The following RNF123 variants were observed in gnomAD, a reference collection of about 807,000 sequenced individuals.
RNF123 encodes the protein E3 ubiquitin-protein ligase RNF123.
Under a neutral mutation model 168.5 loss-of-function variants are expected in RNF123, and 86 were observed. The ratio of observed to expected loss-of-function variants is 0.51; its 90% CI spans 0.43 to 0.61. The LOEUF is 0.61. Ranked by LOEUF, RNF123 falls within the 20% of genes least tolerant of loss-of-function variation. The pLI, the probability that RNF123 is intolerant of heterozygous loss-of-function variation, is 0.00. For synonymous variants in RNF123, 666 were observed against 689.1 expected, an observed-to-expected ratio of 0.97 and a Z score of 0.52; for missense variants, 1,419 against 1,729.7, an observed-to-expected ratio of 0.82 and a Z score of 3.19.
chr3:49,719,104 A>G lies in RNF123; in HGVS notation c.3501-1407A>G, dbSNP rs1237561469. ...GAGGTCGTGGCGGCCAAGCGCCCGCAACGTGTTAGATGATAGATCGAGCAG... is the reference window on the plus strand; with the variant it reads ...GAGGTCGTGGCGGCCAAGCGCCCGCGACGTGTTAGATGATAGATCGAGCAG... On this transcript the variant is annotated intron_variant, in intron 35 of 38. Coordinates refer to ENST00000327697, the MANE Select transcript of RNF123 (RefSeq NM_022064.5). The G allele has an allele frequency of 2.5e-6, 4 of 1,613,430 alleles. No homozygotes were observed. The African/African-American group carries it at 4.0e-5, about 16-fold the overall frequency.
chr3:49,698,610 A>G (rs2054314846), intron 8 of RNF123, 84 bp downstream of exon 8: 1 of 1,554,140 alleles, frequency 6.4e-7, no homozygotes, highest in Non-Finnish European at 8.9e-7. Flanking sequence ...ATAAGGGACT[A>G]CAGGGCACCA....
rs567942433 is a variant in RNF123, at chr3:49,719,584, G to T, written c.3501-927G>T. The T allele has an allele frequency of 3.3e-6, 3 of 912,742 alleles. No homozygotes were observed. The African/African-American group carries it at 5.1e-5, about 15-fold the overall frequency. The allele number at this position is 912,742 out of a possible 1,614,324, so 56.5% of individuals were successfully genotyped here. A position where few individuals can be genotyped will look rare whatever the true frequency, so the allele number is the denominator to read the frequency against. On this transcript the variant is annotated intron_variant, in intron 35 of 38. Transcript: ENST00000327697. Reference sequence around the variant, plus strand: ...CGGATGGCCCTTGCCGAGGAGGCACGGCGGGTTCTTGCCAGCCGACGGCCC... The same window carrying T: ...CGGATGGCCCTTGCCGAGGAGGCACTGCGGGTTCTTGCCAGCCGACGGCCC...
rs149103139 is a variant in RNF123, at chr3:49,718,125, C to G, written c.3500+1648C>G. On this transcript the variant is annotated intron_variant, in intron 35 of 38. Coordinates refer to ENST00000327697, the MANE Select transcript of RNF123 (RefSeq NM_022064.5). ...AGACTACGTGCTTGTGGACGCTGGC[C>G]TTGCGGCTGGGTGCGTCTGGCGGTG... is the stretch of plus-strand genomic sequence containing the variant. The G allele has an allele frequency of 4.2e-4, 680 of 1,613,490 alleles. 1 individual carries two copies. Among genetic ancestry groups the G allele is most frequent in the South Asian group, 1.0e-3 (92 of 91,092 alleles).
intron 26 of RNF123, among the ~76,000 whole-genome samples, chr3:49,710,461 G>A (rs1042597455): frequency 2.6e-5 from 4 of 151,564 alleles, no homozygotes; most frequent in Non-Finnish European, 5.9e-5. Flanking sequence ...TGTATTTTTA[G>A]TAGAGATGGG....
chr3:49,718,152 G>A (rs2080287135), intron 35 of RNF123: 2 of 1,613,068 alleles, frequency 1.2e-6, no homozygotes, highest in Non-Finnish European at 1.7e-6. Context: ...CTGGCGGTGT[G>A]GTGCTGAGTA....
chr3:49,699,853 G>A lies in RNF123; in HGVS notation c.984+81G>A. 1 of 1,403,258 alleles carries A rather than the reference G, an allele frequency of 7.1e-7. No individual in the cohort carries two copies. Among genetic ancestry groups the A allele is most frequent in the Non-Finnish European group, 1.0e-6 (1 of 1,003,738 alleles). 86.9% of individuals were successfully genotyped at this position (1,403,258 alleles called of 1,614,324 possible). A position where few individuals can be genotyped will look rare whatever the true frequency, so the allele number is the denominator to read the frequency against. On this transcript the variant is annotated intron_variant, in intron 12 of 38. Transcript: ENST00000327697. This position sits in a 1 kb window ranked among gnomAD's most constrained non-coding sequence, Gnocchi z 4.8. ...CCCGTGGTAGATGTGCCCTCACTGA[G>A]GGCTGCAGTGCTGAGGTCCCACAGC...
Position 49,702,099 on chromosome 3 carries a change from G to C in RNF123, c.1512G>C (p.Gln504His). The C allele has an allele frequency of 6.2e-7, 1 of 1,614,084 alleles. No homozygotes were observed. The highest frequency in any genetic ancestry group is 8.5e-7 in the Non-Finnish European group (1 of 1,179,980). The change falls in exon 18 of 39, where the codon CAG becomes CAC. Residue 504 changes from glutamine (Q) to histidine (H), a missense_variant. Transcript: ENST00000327697. ...RKRIEVVEELQVQILKLLLDN... is the reference protein window; with the variant it reads ...RKRIEVVEELHVQILKLLLDN... Reference sequence around the variant, plus strand: ...GACCTCCAGTGGTGGAAGAACTACAGGTCCAGATCCTGAAGCTGCTGCTGG... The same window carrying C: ...GACCTCCAGTGGTGGAAGAACTACACGTCCAGATCCTGAAGCTGCTGCTGG...
At chr3:49,716,549 CTGGTACT>C in intron 35 of RNF123, 72 bp downstream of exon 35, 2 of 1,281,952 alleles carry the variant, frequency 1.6e-6, no homozygotes, top group Non-Finnish European at 2.2e-6. Flanking sequence ...ACAGGGCCTC[CTGGTACT>C]TCAGTTTCCT....
intron 7 of RNF123, 88 bp downstream of exon 7, chr3:49,698,225 C>A (rs2054307158): frequency 1.6e-6 from 2 of 1,236,862 alleles, no homozygotes; most frequent in African/African-American, 1.5e-5. Flanking sequence ...CCCCTCAGAA[C>A]TGCCTAGGAC....
At chr3:49,712,067 A>C (rs1286091792) in intron 26 of RNF123, among the ~76,000 whole-genome samples, 4 of 152,098 alleles carry the variant, frequency 2.6e-5, no homozygotes, top group Non-Finnish European at 4.4e-5. Context: ...TCTACTAAAA[A>C]TACAAAAATT....
At chr3:49,717,799 C>T (rs893113118) in intron 35 of RNF123, 12 of 820,716 alleles carry the variant, frequency 1.5e-5, no homozygotes, top group African/African-American at 1.4e-4. Flanking sequence ...TACCAGTGAG[C>T]GAGAAGGCCC....
Position 49,699,698 on chromosome 3 carries a change from A to G in RNF123, c.910A>G (p.Lys304Glu), listed in dbSNP as rs2054338289. 5 of 1,613,652 alleles carry G rather than the reference A, an allele frequency of 3.1e-6. No individual in the cohort carries two copies. The highest frequency in any genetic ancestry group is 4.2e-6 in the Non-Finnish European group (5 of 1,180,010). ...EGRLLDKESSKWRLRGQPTVL... is the reference protein window; with the variant it reads ...EGRLLDKESSEWRLRGQPTVL... ...GCGGCTGTTGGACAAGGAGAGCTCC[A>G]AGTGGCGGTTGCGGGGCCAGCCCAC... The change falls in exon 12 of 39, where the codon AAG (lysine) becomes GAG (glutamate). Residue 304 changes from lysine (K) to glutamate (E), a missense_variant. Physicochemically the swap from Lys to Glu is moderately conservative, Grantham distance 56. Coordinates refer to ENST00000327697, the MANE Select transcript of RNF123 (RefSeq NM_022064.5). The surrounding 1 kb of genome is among the most constrained non-coding windows in gnomAD (Gnocchi z 4.8).
intron 28 of RNF123, 47 bp from the exon 29 acceptor site, chr3:49,713,691 C>T (rs1321659975): frequency 6.4e-7 from 1 of 1,573,686 alleles, no homozygotes; most frequent in South Asian, 1.2e-5. Context: ...AAGTATGGGT[C>T]CAGGGCTCAT....
At chr3:49,719,167 A>T in intron 35 of RNF123, 1 of 1,613,564 alleles carries the variant, frequency 6.2e-7, no homozygotes, top group Non-Finnish European at 8.5e-7. Context: ...GCCGCGACCC[A>T]GCGCATCTAG....
Position 49,698,489 on chromosome 3 carries a change from T to A in RNF123, c.533T>A (p.Val178Glu). The part of the protein sequence containing the change: ...HNSYAYDGNR[V>E]RKWNVTTTNY... ...TCCTATGCCTATGATGGCAACCGCG[T>A]GCGCAAGTGGAATGTGACCACAACG... Residue 178 changes from valine (V) to glutamate (E), a missense_variant, in exon 8 of 39, where the codon GTG becomes GAG. Physicochemically the swap from Val to Glu is moderately radical, Grantham distance 121 (BLOSUM62 -2). This residue lies in a region of RNF123 where 318 missense variants were observed against 446.6 expected (regional missense o/e 0.71). Coordinates refer to ENST00000327697, the MANE Select transcript of RNF123 (RefSeq NM_022064.5). 6.2e-7 allele frequency: 1 copy of A among 1,613,908 alleles called. No individual in the cohort carries two copies. The highest frequency in any genetic ancestry group is 8.5e-7 in the Non-Finnish European group (1 of 1,180,002).
rs148735642 is a variant in RNF123, at chr3:49,704,609, C to T, written c.1853-41C>T. On this transcript the variant is annotated intron_variant, in intron 21 of 38. Coordinates refer to ENST00000327697, the MANE Select transcript of RNF123 (RefSeq NM_022064.5). The stretch of plus-strand genomic sequence containing the variant: ...TGGGCACTTCCACTGTGGCCCCTTG[C>T]GCCACCACTGGCCTGAGAACCCTCC... 5.0e-5 allele frequency: 76 copies of T among 1,534,774 alleles called. No homozygotes were observed. The East Asian group carries it at 7.8e-4, about 16-fold the overall frequency.
At position 49,691,209 on chromosome 3, in the gene RNF123, A is replaced by G. The variant is rs200850505; in HGVS notation, c.44A>G (p.Tyr15Cys). 4 of 1,613,856 alleles carry G rather than the reference A, an allele frequency of 2.5e-6. No individual in the cohort carries two copies. The African/African-American group carries it at 4.0e-5, about 16-fold the overall frequency. ...GAGMSFSRKS[Y>C]RLTSDAEKSR... ...GGCATGTCTTTCTCCCGCAAGAGCT[A>G]TAGGCTGACCTCAGATGCTGAGAAA... The change falls in exon 2 of 39, where the codon TAT becomes TGT. Residue 15 changes from tyrosine (Y) to cysteine (C), a missense_variant. Tyr to Cys is a radical substitution (Grantham distance 194, BLOSUM62 -2). Transcript: ENST00000327697.
chr3:49,704,537 G>T, intron 21 of RNF123, 113 bp from the exon 22 acceptor site: 1 of 832,414 alleles, frequency 1.2e-6, no homozygotes, highest in Non-Finnish European at 1.9e-6. Flanking sequence ...TGCTAAACCG[G>T]GCTCTGCAAG....
intron 15 of RNF123, among the ~76,000 whole-genome samples, chr3:49,701,234 C>T (rs2054375377): frequency 6.6e-6 from 1 of 152,254 alleles, no homozygotes; most frequent in South Asian, 2.1e-4. Context: ...GTCCCTCTCT[C>T]CAGCTTGTCC....
Sources: gnomAD v4.1 joint callset for allele counts (sites outside exome capture counted in the v4.1 genomes callset) on GRCh38, gnomAD v4.1.1 for gene constraint, gnomAD v4.1.1 regional missense constraint, Gnocchi (gnomAD v3.1) non-coding constraint, MANE v1.5 for transcripts, NCBI Gene and HGNC (gene_info 2026-07-23, HGNC 2026-07-21) for gene names.